The following MYO5A variants were observed in gnomAD, a reference collection of about 807,000 sequenced individuals.
MYO5A encodes the protein myosin VA.
MYO5A carries 98 observed loss-of-function variants against 249.7 expected under a neutral mutation model. That is an observed-to-expected ratio of 0.39 (90% CI 0.33 to 0.46). MYO5A has a LOEUF of 0.46. MYO5A is among the 20% of genes least tolerant of loss of function. The probability of loss-of-function intolerance (pLI) is 0.98; values close to 1 mark genes in which losing one functional copy is unlikely to be tolerated. For missense variants in MYO5A, 1,696 were observed against 2,308.8 expected (o/e 0.73, Z 5.44); for synonymous variants, 778 against 810.6 (o/e 0.96, Z 0.68).
At position 52,408,065 on chromosome 15, in the gene MYO5A, G is replaced by A. The variant is rs1415114909; in HGVS notation, c.832C>T (p.Arg278Ter). ...SAKLPEFKML[R>*]LGNADNFNYT... ...TTTAATGCCATATTCATACCTAATC[G>A]TAGCATTTTAAATTCAGGTAACTTT... The change falls in exon 7 of 42, where the codon CGA becomes TGA. Residue 278 changes from arginine (R) to a stop codon, truncating the protein, a stop_gained. Transcript: ENST00000399233. LOFTEE classifies it high-confidence loss of function. 1.3e-6 allele frequency: 2 copies of A among 1,575,784 alleles called. No individual in the cohort carries two copies. The highest frequency in any genetic ancestry group is 1.7e-6 in the Non-Finnish European group (2 of 1,146,060).
At chr15:52,427,758 G>GCGGAGAAAAAATAGC (rs1477474845) in intron 3 of MYO5A, among the ~76,000 whole-genome samples, 1 of 151,998 alleles carries the variant, frequency 6.6e-6, no homozygotes, top group Non-Finnish European at 1.5e-5. Flanking sequence ...TAAGACGTCA[G>GCGGAGAAAAAATAGC]CGGAGAAAAA....
intron 34 of MYO5A, 119 bp from the exon 35 acceptor site, chr15:52,330,618 C>T: frequency 8.7e-7 from 1 of 1,148,688 alleles, no homozygotes; most frequent in Non-Finnish European, 1.3e-6. Context: ...ATATTTGCCA[C>T]TTAATTGCCT....
intron 2 of MYO5A, among the ~76,000 whole-genome samples, chr15:52,430,273 A>G (rs1221383708): frequency 6.6e-6 from 1 of 152,216 alleles, no homozygotes; most frequent in Non-Finnish European, 1.5e-5. Flanking sequence ...AGGAGACTCC[A>G]GAATGGCAGA....
At chr15:52,496,508 AAAG>A (rs1160394524) in intron 1 of MYO5A, among the ~76,000 whole-genome samples, 1 of 152,240 alleles carries the variant, frequency 6.6e-6, no homozygotes, top group Admixed American at 6.5e-5. Context: ...GCTGGGGATT[AAAG>A]AAGGTTCTTA....
In MYO5A at chr15:52,499,881, T is replaced by G. The variant is rs375282689; in HGVS notation, c.27+28899A>C. ...AGATTGCTGGATCATATGGTAATTA[T>G]CAGTTTAATTTTTTTAGGGGGCCGG... On this transcript the variant is annotated intron_variant, in intron 1 of 41. Coordinates refer to ENST00000399233, the MANE Select transcript of MYO5A (RefSeq NM_001382347.1). Among the ~76,000 whole-genome samples, 3 of 152,176 alleles carry G rather than the reference T, an allele frequency of 2.0e-5. No homozygotes were observed. The South Asian group carries it at 6.2e-4, about 32-fold the overall frequency.
At chr15:52,456,286 T>C (rs2076117774) in intron 1 of MYO5A, among the ~76,000 whole-genome samples, 1 of 151,840 alleles carries the variant, frequency 6.6e-6, no homozygotes, top group Non-Finnish European at 1.5e-5. Context: ...ACCAAAACTA[T>C]AAAAACACTG....
chr15:52,398,863 C>A (rs2042606129), intron 9 of MYO5A, among the ~76,000 whole-genome samples: 1 of 152,098 alleles, frequency 6.6e-6, no homozygotes, highest in African/African-American at 2.4e-5. Flanking sequence ...GTGGCAGACA[C>A]CTGTAATCCC....
chr15:52,433,397 G>C, intron 1 of MYO5A, 112 bp from the exon 2 acceptor site: 2 of 521,814 alleles, frequency 3.8e-6, no homozygotes, highest in Admixed American at 3.3e-5. Context: ...AGAAATCTTG[G>C]CCAACATGAA....
intron 1 of MYO5A, among the ~76,000 whole-genome samples, chr15:52,477,517 C>A (rs1049138426): frequency 6.6e-6 from 1 of 152,194 alleles, no homozygotes; most frequent in African/African-American, 2.4e-5. Context: ...CTTTTCTGCT[C>A]TGATTTCTCC....
intron 1 of MYO5A, among the ~76,000 whole-genome samples, chr15:52,456,789 C>G (rs2141392334): frequency 6.6e-6 from 1 of 152,166 alleles, no homozygotes; most frequent in African/African-American, 2.4e-5. Flanking sequence ...GAAACTAGAC[C>G]CCAGTCTCTC....
intron 1 of MYO5A, among the ~76,000 whole-genome samples, chr15:52,457,686 T>C (rs527250262): frequency 2.0e-5 from 3 of 152,354 alleles, no homozygotes; most frequent in East Asian, 3.9e-4. Flanking sequence ...ACAGTCATTA[T>C]GGAAAAGAGC....
At chr15:52,464,885 G>A (rs577804574) in intron 1 of MYO5A, among the ~76,000 whole-genome samples, 2 of 152,234 alleles carry the variant, frequency 1.3e-5, no homozygotes, top group Admixed American at 6.5e-5. Flanking sequence ...TCCTAGTTAT[G>A]TATATATGAC....
intron 38 of MYO5A, among the ~76,000 whole-genome samples, chr15:52,319,744 A>G (rs1454001506): frequency 6.6e-6 from 1 of 152,188 alleles, no homozygotes; most frequent in African/African-American, 2.4e-5. Context: ...AAAGAAAAAA[A>G]TGATCTGGGT....
At chr15:52,467,585 G>C (rs2076377528) in intron 1 of MYO5A, among the ~76,000 whole-genome samples, 1 of 152,130 alleles carries the variant, frequency 6.6e-6, no homozygotes, top group Non-Finnish European at 1.5e-5. Flanking sequence ...AATGCAAAAA[G>C]TTCTGAAAAC....
intron 2 of MYO5A, among the ~76,000 whole-genome samples, chr15:52,432,423 G>A (rs2075560401): frequency 6.6e-6 from 1 of 152,188 alleles, no homozygotes; most frequent in Non-Finnish European, 1.5e-5. Context: ...AACTGGTCAT[G>A]GCCAGCAATC....
At position 52,405,049 on chromosome 15, in the gene MYO5A, TGTCACACA is replaced by T. The variant is rs1376438822; in HGVS notation, c.1053+230_1053+237del. On this transcript the variant is annotated intron_variant, in intron 9 of 41. Transcript: ENST00000399233. ...AACCCTCTCTCTTTCTCTCTCTCTC[TGTCACACA>T]CACACACACACACACACACACACAC... Among the ~76,000 whole-genome samples, 572 of 100,866 alleles carry T rather than the reference TGTCACACA, an allele frequency of 5.7e-3. 2 individuals carry two copies. Among genetic ancestry groups the T allele is most frequent in the Middle Eastern group, 9.2e-3 (2 of 218 alleles). The allele number at this position is 100,866 out of a possible 152,430, so 66.2% of individuals were successfully genotyped here. A position where few individuals can be genotyped will look rare whatever the true frequency, so the allele number is the denominator to read the frequency against.
chr15:52,376,832 G>A (rs1335080526), intron 18 of MYO5A, among the ~76,000 whole-genome samples: 1 of 152,118 alleles, frequency 6.6e-6, no homozygotes, highest in Non-Finnish European at 1.5e-5. Context: ...TGGGTTATAG[G>A]CAGTTATTAT....
At chr15:52,403,957 G>C (rs1354989706) in intron 9 of MYO5A, among the ~76,000 whole-genome samples, 1 of 152,064 alleles carries the variant, frequency 6.6e-6, no homozygotes, top group Non-Finnish European at 1.5e-5. Context: ...TTGGCCCTTG[G>C]ACTAATAAAT....
chr15:52,328,819 C>T (rs1012689131), intron 35 of MYO5A, among the ~76,000 whole-genome samples: 5 of 152,168 alleles, frequency 3.3e-5, no homozygotes, highest in African/African-American at 1.2e-4. Context: ...GGTCTCCTTG[C>T]TGTTGGTTAA....
Sources: allele counts gnomAD v4.1 joint callset (sites outside exome capture counted in the v4.1 genomes callset), GRCh38; gene constraint gnomAD v4.1.1; transcripts MANE v1.5; gene names NCBI Gene and HGNC (gene_info 2026-07-23, HGNC 2026-07-21).